Variants in GRM7 observed in about 807,000 individuals in gnomAD.
GRM7 encodes glutamate metabotropic receptor 7.
GRM7 carries 35 observed loss-of-function variants against 84.5 expected under a neutral mutation model. That is an observed-to-expected ratio of 0.41 (90% CI 0.32 to 0.55). The LOEUF (loss-of-function observed/expected upper bound fraction) is 0.55, where lower values mean the gene tolerates loss of function less well. GRM7 is among the 20% of genes least tolerant of loss of function. GRM7 has a pLI of 0.19. For synonymous variants in GRM7, 487 were observed against 455.1 expected, an observed-to-expected ratio of 1.07 and a Z score of -0.89; for missense variants, 1,003 against 1,194.6, an observed-to-expected ratio of 0.84 and a Z score of 2.36.
At chr3:6,979,245 G>A (rs1694107735) in intron 1 of GRM7, among the ~76,000 whole-genome samples, 2 of 152,078 alleles carry the variant, frequency 1.3e-5, no homozygotes. Flanking sequence ...TCTACAGCAG[G>A]GTAGGTCAGC....
chr3:6,894,568 C>T (rs929289681), intron 1 of GRM7, among the ~76,000 whole-genome samples: 3 of 151,870 alleles, frequency 2.0e-5, no homozygotes, highest in Non-Finnish European at 2.9e-5. Context: ...TATATATATA[C>T]ATATGTGTGT....
At chr3:7,097,405 T>C (rs1698895820) in intron 1 of GRM7, among the ~76,000 whole-genome samples, 1 of 152,074 alleles carries the variant, frequency 6.6e-6, no homozygotes, top group Non-Finnish European at 1.5e-5. Context: ...AAAAAGTAGG[T>C]GTATTGATTA....
At chr3:6,994,797 T>A (rs1231111573) in intron 1 of GRM7, among the ~76,000 whole-genome samples, 1 of 152,194 alleles carries the variant, frequency 6.6e-6, no homozygotes, top group Non-Finnish European at 1.5e-5. Flanking sequence ...TTAAAAATAA[T>A]TGTTGTTGTT....
intron 5 of GRM7, among the ~76,000 whole-genome samples, chr3:7,421,367 AC>A (rs1482125861): frequency 1.3e-5 from 2 of 152,188 alleles, no homozygotes; most frequent in Admixed American, 6.6e-5. Context: ...TGTAATAGGT[AC>A]AAATCTCAGA....
At chr3:7,450,131 T>C (rs1029421013) in intron 5 of GRM7, among the ~76,000 whole-genome samples, 32 of 152,146 alleles carry the variant, frequency 2.1e-4, no homozygotes, top group Non-Finnish European at 7.4e-5. Flanking sequence ...AATGGCTTAT[T>C]TATGAACAGT....
At chr3:7,664,739 C>T (rs1188049547) in intron 8 of GRM7, among the ~76,000 whole-genome samples, 3 of 152,136 alleles carry the variant, frequency 2.0e-5, no homozygotes, top group Non-Finnish European at 4.4e-5. Context: ...GTAGTCTCTG[C>T]TCTACCATAG....
chr3:7,448,309 C>T (rs1418833858), intron 5 of GRM7, among the ~76,000 whole-genome samples: 1 of 151,786 alleles, frequency 6.6e-6, no homozygotes, highest in Admixed American at 6.6e-5. Context: ...GTTCTAGATC[C>T]CTGAGGAATC....
intron 2 of GRM7, among the ~76,000 whole-genome samples, chr3:7,225,539 A>G (rs1280115997): frequency 6.8e-6 from 1 of 147,828 alleles, no homozygotes. Flanking sequence ...AAGAAATTAT[A>G]TATGATATAT....
intron 8 of GRM7, among the ~76,000 whole-genome samples, chr3:7,664,228 T>C (rs942749237): frequency 4.6e-5 from 7 of 152,190 alleles, no homozygotes; most frequent in African/African-American, 1.7e-4. Context: ...ACTCCCTCAA[T>C]TGCTGGACAT....
At chr3:6,918,234 A>G (rs1697008050) in intron 1 of GRM7, among the ~76,000 whole-genome samples, 2 of 152,204 alleles carry the variant, frequency 1.3e-5, no homozygotes, top group African/African-American at 4.8e-5. Context: ...CATCACAGGA[A>G]TGACTCAAAG....
chr3:7,040,936 T>A (rs6809673), intron 1 of GRM7, among the ~76,000 whole-genome samples: 49,701 of 151,454 alleles, frequency 0.33, 10,714 homozygotes, highest in African/African-American at 0.62. Flanking sequence ...AAACAAAATT[T>A]CCTAGGTGTG....
At chr3:7,609,549 A>T (rs1209487736) in intron 8 of GRM7, among the ~76,000 whole-genome samples, 1 of 152,148 alleles carries the variant, frequency 6.6e-6, no homozygotes, top group Non-Finnish European at 1.5e-5. Context: ...GCAGGAGGAA[A>T]AAACAGAGCA....
intron 7 of GRM7, among the ~76,000 whole-genome samples, chr3:7,462,514 A>G (rs1480782990): frequency 1.3e-5 from 2 of 152,218 alleles, no homozygotes; most frequent in Non-Finnish European, 2.9e-5. Flanking sequence ...AAAATCCTTT[A>G]ATGTCCTTTG....
intron 7 of GRM7, among the ~76,000 whole-genome samples, chr3:7,549,675 G>T (rs1448188750): frequency 6.6e-6 from 1 of 152,156 alleles, no homozygotes; most frequent in African/African-American, 2.4e-5. Context: ...AGAAAATCCA[G>T]CAACTAGCCA....
chr3:7,300,922 A>G (rs1699976922), intron 3 of GRM7, among the ~76,000 whole-genome samples: 1 of 152,218 alleles, frequency 6.6e-6, no homozygotes, highest in African/African-American at 2.4e-5. Flanking sequence ...TATAGGGCTC[A>G]GGACATAGTA....
intron 1 of GRM7, among the ~76,000 whole-genome samples, chr3:7,143,268 T>A (rs936579316): frequency 6.6e-6 from 1 of 152,190 alleles, no homozygotes; most frequent in African/African-American, 2.4e-5. Context: ...TAACTAAACA[T>A]GAAGCATAAT....
chr3:7,326,605 T>A (rs955113472), intron 4 of GRM7, among the ~76,000 whole-genome samples: 4 of 152,062 alleles, frequency 2.6e-5, no homozygotes, highest in African/African-American at 9.7e-5. Flanking sequence ...CCCAGCACTT[T>A]TGGGGGCCGA....
intron 1 of GRM7, among the ~76,000 whole-genome samples, chr3:7,030,781 A>G (rs1696156995): frequency 6.6e-6 from 1 of 152,224 alleles, no homozygotes; most frequent in Admixed American, 6.5e-5. Flanking sequence ...AGAAAATTAT[A>G]TAGTATAACT....
intron 8 of GRM7, among the ~76,000 whole-genome samples, chr3:7,655,635 G>A (rs532894185): frequency 2.5e-4 from 38 of 152,280 alleles, no homozygotes; most frequent in African/African-American, 8.4e-4. Flanking sequence ...CCATAGAGAG[G>A]GATCTGAGGG....
Sources: gnomAD v4.1 joint callset for allele counts (sites outside exome capture counted in the v4.1 genomes callset) on GRCh38, gnomAD v4.1.1 for gene constraint, MANE v1.5 for transcripts, NCBI Gene and HGNC (gene_info 2026-07-23, HGNC 2026-07-21) for gene names.